The following SVIL variants were observed in gnomAD, a reference collection of about 807,000 sequenced individuals.
SVIL encodes archvillin.
SVIL carries 101 observed loss-of-function variants against 240.4 expected under a neutral mutation model. That is an observed-to-expected ratio of 0.42 (90% CI 0.36 to 0.50). The LOEUF is 0.50. SVIL is among the 20% of genes least tolerant of loss of function. The probability of loss-of-function intolerance (pLI) is 0.01; values close to 1 mark genes in which losing one functional copy is unlikely to be tolerated. For missense variants in SVIL, 2,512 were observed against 2,818.7 expected (o/e 0.89, Z 2.46); for synonymous variants, 999 against 1,100.0 (o/e 0.91, Z 1.82).
chr10:29,509,087 G>C (rs1949586168), intron 17 of SVIL, among the ~76,000 whole-genome samples: 1 of 152,128 alleles, frequency 6.6e-6, no homozygotes, highest in African/African-American at 2.4e-5. Flanking sequence ...AGTTACTCTG[G>C]AGGAAAGTGT....
In SVIL at chr10:29,471,088, TC is replaced by T. The variant is rs777058330; in HGVS notation, c.5635+49del. On this transcript the variant is annotated intron_variant, in intron 31 of 37. Coordinates refer to ENST00000355867, the MANE Select transcript of SVIL (RefSeq NM_021738.3). Reference sequence around the variant, plus strand: ...CAGCCCCCAGCTTATAAAAATTCTTTCCAAGAGAGGGAAAGGCAAAGTCGAA... The same window carrying T: ...CAGCCCCCAGCTTATAAAAATTCTTTCAAGAGAGGGAAAGGCAAAGTCGAA... The T allele has an allele frequency of 2.2e-5, 34 of 1,529,324 alleles. No individual in the cohort carries two copies. The East Asian group carries it at 7.6e-4, about 34-fold the overall frequency. 94.7% of individuals were successfully genotyped at this position (1,529,324 alleles called of 1,614,324 possible). A position where few individuals can be genotyped will look rare whatever the true frequency, so the allele number is the denominator to read the frequency against.
chr10:29,716,628 C>T (rs1320663392), intron 1 of SVIL, among the ~76,000 whole-genome samples: 5 of 152,164 alleles, frequency 3.3e-5, no homozygotes, highest in Admixed American at 6.5e-5. Flanking sequence ...CATCTCCCCT[C>T]GACAGTCAAA....
chr10:29,605,376 C>A (rs142005806), intron 1 of SVIL, among the ~76,000 whole-genome samples: 17 of 152,348 alleles, frequency 1.1e-4, no homozygotes, highest in Non-Finnish European at 1.8e-4. Context: ...CCCGTCTCCC[C>A]CCAGCCTCAG....
intron 1 of SVIL, among the ~76,000 whole-genome samples, chr10:29,706,463 G>A (rs1230913127): frequency 1.3e-5 from 2 of 152,138 alleles, no homozygotes; most frequent in East Asian, 1.9e-4. Flanking sequence ...CTTTTGAGAA[G>A]TGTCTGTTCA....
chr10:29,692,462 G>A (rs927475346), intron 1 of SVIL, among the ~76,000 whole-genome samples: 3 of 151,978 alleles, frequency 2.0e-5, no homozygotes, highest in African/African-American at 7.3e-5. Context: ...AAACTCATAA[G>A]AGCCTGCAAT....
chr10:29,463,752 A>G, intron 34 of SVIL, 117 bp from the exon 35 acceptor site: 1 of 1,418,264 alleles, frequency 7.1e-7, no homozygotes, highest in Non-Finnish European at 9.4e-7. Flanking sequence ...ACAGGGGGAA[A>G]CCCCCTTGGC....
At chr10:29,618,818 C>T (rs529973233) in intron 1 of SVIL, among the ~76,000 whole-genome samples, 42 of 152,060 alleles carry the variant, frequency 2.8e-4, no homozygotes, top group Admixed American at 1.5e-3. Context: ...CTCCTGGACT[C>T]AGGGAATTCC....
chr10:29,471,530 C>G (rs1180850579), intron 30 of SVIL, among the ~76,000 whole-genome samples: 1 of 152,146 alleles, frequency 6.6e-6, no homozygotes, highest in Non-Finnish European at 1.5e-5. Context: ...AAGGAATATT[C>G]TTTTAAAACA....
chr10:29,492,515 G>C (rs1207658986), intron 21 of SVIL, among the ~76,000 whole-genome samples: 1 of 151,952 alleles, frequency 6.6e-6, no homozygotes, highest in Non-Finnish European at 1.5e-5. Flanking sequence ...GCACTGTTCA[G>C]TGGCTGAGCC....
chr10:29,484,972 A>G lies in SVIL; in HGVS notation c.4780-141T>C. The stretch of plus-strand genomic sequence containing the variant: ...CGGGGCGACCAACACAGACACAAAA[A>G]GGCCAGGAGATCTCAGCTGGCACTG... On this transcript the variant is annotated intron_variant, in intron 26 of 37. Coordinates refer to ENST00000355867, the MANE Select transcript of SVIL (RefSeq NM_021738.3). This position sits in a 1 kb window ranked among gnomAD's most constrained non-coding sequence, Gnocchi z 4.7. 1 of 894,674 alleles carries G rather than the reference A, an allele frequency of 1.1e-6. No individual in the cohort carries two copies. Among genetic ancestry groups the G allele is most frequent in the Non-Finnish European group, 1.6e-6 (1 of 613,618 alleles). 55.4% of individuals were successfully genotyped at this position (894,674 alleles called of 1,614,324 possible). A position where few individuals can be genotyped will look rare whatever the true frequency, so the allele number is the denominator to read the frequency against.
At chr10:29,482,187 C>A (rs1004208049) in intron 27 of SVIL, among the ~76,000 whole-genome samples, 8 of 151,992 alleles carry the variant, frequency 5.3e-5, no homozygotes. Flanking sequence ...TGCCACCATG[C>A]GTAGCTAATT....
At chr10:29,507,107 C>T (rs535914905) in intron 17 of SVIL, among the ~76,000 whole-genome samples, 10 of 152,178 alleles carry the variant, frequency 6.6e-5, no homozygotes, top group South Asian at 4.1e-4. Context: ...AGGCAGGGGG[C>T]CCATGGTCTC....
At chr10:29,539,079 C>G (rs933537061) in intron 6 of SVIL, among the ~76,000 whole-genome samples, 3 of 152,066 alleles carry the variant, frequency 2.0e-5, no homozygotes, top group African/African-American at 7.2e-5. Flanking sequence ...GCAGTAGGAT[C>G]CTTTGAGCCC....
chr10:29,688,577 TC>T (rs1486365674), intron 1 of SVIL, among the ~76,000 whole-genome samples: 1 of 152,218 alleles, frequency 6.6e-6, no homozygotes, highest in African/African-American at 2.4e-5. Flanking sequence ...GTTTGTTTCT[TC>T]CTGTTTACAG....
chr10:29,489,725 T>G (rs1947771410), intron 22 of SVIL, among the ~76,000 whole-genome samples: 1 of 152,118 alleles, frequency 6.6e-6, no homozygotes. Flanking sequence ...TTTTTTCATT[T>G]TTTGTAGAGA....
intron 1 of SVIL, among the ~76,000 whole-genome samples, chr10:29,574,480 C>T (rs1955598708): frequency 6.6e-6 from 1 of 152,140 alleles, no homozygotes; most frequent in African/African-American, 2.4e-5. Context: ...GCTGACACCC[C>T]ACAGTGATAT....
chr10:29,679,641 G>A (rs12242963), intron 2 of SVIL, among the ~76,000 whole-genome samples: 37,400 of 148,046 alleles, frequency 0.25, 4,795 homozygotes, highest in East Asian at 0.37. Flanking sequence ...CTGCAGCCTC[G>A]TCTGCCCAAG....
intron 1 of SVIL, among the ~76,000 whole-genome samples, chr10:29,716,317 G>C (rs1963608106): frequency 6.6e-6 from 1 of 151,980 alleles, no homozygotes; most frequent in Non-Finnish European, 1.5e-5. Flanking sequence ...AATAAATATG[G>C]CCAATTTTTC....
intron 11 of SVIL, 136 bp from the exon 12 acceptor site, chr10:29,529,980 G>A: frequency 1.2e-6 from 1 of 861,260 alleles, no homozygotes; most frequent in Non-Finnish European, 1.7e-6. Context: ...AGACCAGCCT[G>A]GGCAACAAAG....
Sources: gnomAD v4.1 joint callset for allele counts (sites outside exome capture counted in the v4.1 genomes callset) on GRCh38, gnomAD v4.1.1 for gene constraint, Gnocchi (gnomAD v3.1) non-coding constraint, MANE v1.5 for transcripts, NCBI Gene and HGNC (gene_info 2026-07-23, HGNC 2026-07-21) for gene names.